MAN2B2: variants seen among roughly 807,000 people sequenced by gnomAD.
The protein encoded by MAN2B2 is epididymis-specific alpha-mannosidase.
Under a neutral mutation model 117.1 loss-of-function variants are expected in MAN2B2, and 106 were observed. The observed-to-expected ratio is 0.90, with a 90% CI of 0.77 to 1.06. The LOEUF (loss-of-function observed/expected upper bound fraction) is 1.06. Ranked by LOEUF, MAN2B2 falls within the 50% of genes least tolerant of loss-of-function variation. The probability of loss-of-function intolerance (pLI) is 0.00; values close to 1 mark genes in which losing one functional copy is unlikely to be tolerated. For synonymous variants in MAN2B2, 544 were observed against 595.1 expected (o/e 0.91, Z 1.25); for missense variants, 1,326 against 1,381.4 (o/e 0.96, Z 0.64).
chr4:6,607,094 C>T (rs771515482), intron 11 of MAN2B2, among the ~76,000 whole-genome samples: 4 of 152,230 alleles, frequency 2.6e-5, no homozygotes, highest in Non-Finnish European at 4.4e-5. Flanking sequence ...CACTCCCCCA[C>T]GGGCCCTGGC....
chr4:6,620,137 C>A, intron 18 of MAN2B2, 93 bp downstream of exon 18: 1 of 1,088,716 alleles, frequency 9.2e-7, no homozygotes, highest in Non-Finnish European at 1.3e-6. Context: ...ATCTGCCTGT[C>A]CCGGCCTGTG....
chr4:6,596,164 C>G (rs895396954), intron 7 of MAN2B2, among the ~76,000 whole-genome samples: 1 of 148,952 alleles, frequency 6.7e-6, no homozygotes, highest in African/African-American at 2.5e-5. Flanking sequence ...GGCGTGGTAT[C>G]CAGGCGGGTG....
intron 6 of MAN2B2, among the ~76,000 whole-genome samples, chr4:6,593,981 G>C (rs927377834): frequency 6.6e-6 from 1 of 152,070 alleles, no homozygotes; most frequent in African/African-American, 2.4e-5. Flanking sequence ...CAGTCAGGCG[G>C]GCCCCAGAGC....
intron 3 of MAN2B2, 45 bp downstream of exon 3, chr4:6,578,543 G>A (rs779248632): frequency 1.3e-6 from 2 of 1,526,232 alleles, no homozygotes; most frequent in Non-Finnish European, 1.8e-6. Flanking sequence ...AGGACCTCCA[G>A]TGGGGCTGGG....
intron 7 of MAN2B2, among the ~76,000 whole-genome samples, chr4:6,596,162 A>G (rs1387929639): frequency 6.9e-6 from 1 of 145,798 alleles, no homozygotes; most frequent in Non-Finnish European, 1.5e-5. Context: ...TGGGCGTGGT[A>G]TCCAGGCGGG....
In MAN2B2 at chr4:6,615,808, T is replaced by A. The variant is rs546822269; in HGVS notation, c.2701+1453T>A. On this transcript the variant is annotated intron_variant, in intron 16 of 18. Transcript: ENST00000285599. ...GAGCAAGACCCTGTCTCTAAAAAAA[T>A]TTTTTTTTTCTTTGAGACAGAGTCT... Among the ~76,000 whole-genome samples, 77 of 138,958 alleles carry A rather than the reference T, an allele frequency of 5.5e-4. 1 individual carries two copies. In the East Asian group the frequency reaches 6.4e-3, roughly 12 times the overall value. The allele number at this position is 138,958 out of a possible 152,430, so 91.2% of individuals were successfully genotyped here.
chr4:6,576,489 C>A, intron 1 of MAN2B2, 89 bp from the exon 2 acceptor site: 1 of 1,503,048 alleles, frequency 6.7e-7, no homozygotes, highest in East Asian at 2.3e-5. Flanking sequence ...GCCCCCAACC[C>A]CATGCAGACA....
At chr4:6,590,744 C>T (rs565984309) in intron 5 of MAN2B2, among the ~76,000 whole-genome samples, 72 of 152,376 alleles carry the variant, frequency 4.7e-4, no homozygotes, top group African/African-American at 1.7e-3. Flanking sequence ...GGTGTTTCCC[C>T]ACCCGTTCCT....
In MAN2B2 at chr4:6,617,519, C is replaced by T. The variant is rs775191704; in HGVS notation, c.2814+27C>T. ...TGAACTTCCCCACCCCCATCCAGACCATAAGCCAGGGAAGCAAACCCTAGA... is the reference window on the plus strand; with the variant it reads ...TGAACTTCCCCACCCCCATCCAGACTATAAGCCAGGGAAGCAAACCCTAGA... On this transcript the variant is annotated intron_variant, in intron 17 of 18. Transcript: ENST00000285599. The T allele has an allele frequency of 1.1e-5, 17 of 1,613,230 alleles. No homozygotes were observed. In the Admixed American group the frequency reaches 2.7e-4, roughly 25 times the overall value.
chr4:6,603,525 C>A (rs1289709240), intron 10 of MAN2B2, among the ~76,000 whole-genome samples: 2 of 152,116 alleles, frequency 1.3e-5, no homozygotes, highest in Admixed American at 6.5e-5. Context: ...TGGGTCTGAG[C>A]AGACCCCCAC....
At chr4:6,586,885 A>T in intron 3 of MAN2B2, 111 bp from the exon 4 acceptor site, 1 of 922,998 alleles carries the variant, frequency 1.1e-6, no homozygotes, top group Non-Finnish European at 1.7e-6. Context: ...TGCCTGGCCC[A>T]GTAGCTGGCA....
At chr4:6,591,682 G>A (rs1159900813) in intron 5 of MAN2B2, among the ~76,000 whole-genome samples, 1 of 152,160 alleles carries the variant, frequency 6.6e-6, no homozygotes, top group Non-Finnish European at 1.5e-5. Flanking sequence ...AGGCTCAGAT[G>A]TCAAGAAGCA....
intron 3 of MAN2B2, among the ~76,000 whole-genome samples, chr4:6,586,091 C>CAAAAA (rs1726624778): frequency 1.3e-5 from 2 of 150,464 alleles, no homozygotes; most frequent in Non-Finnish European, 2.9e-5. Flanking sequence ...CTCTGTCACC[C>CAAAAA]AGGCTGAAGT....
chr4:6,609,917 T>G lies in MAN2B2; in HGVS notation c.2126T>G (p.Leu709Arg), dbSNP rs1281824614. 5 of 1,614,162 alleles carry G rather than the reference T, an allele frequency of 3.1e-6. No individual in the cohort carries two copies. Among genetic ancestry groups the G allele is most frequent in the Non-Finnish European group, 4.2e-6 (5 of 1,180,032 alleles). ...GAGCAGGAGTACCAAGCCGGCCCCC[T>G]GGAGCTGAACCGTGAGGCTGTCCTG... ...RIEQEYQAGPLELNREAVLRT... is the reference protein window; with the variant it reads ...RIEQEYQAGPRELNREAVLRT... The change falls in exon 13 of 19, where the codon CTG (leucine) becomes CGG (arginine). Residue 709 changes from leucine (L) to arginine (R), a missense_variant. Leu to Arg is a moderately radical substitution (Grantham distance 102). Transcript: ENST00000285599.
chr4:6,606,207 G>C (rs564696597), intron 11 of MAN2B2, among the ~76,000 whole-genome samples: 2 of 152,320 alleles, frequency 1.3e-5, no homozygotes, highest in South Asian at 4.1e-4. Flanking sequence ...TACTGAGGTG[G>C]GTATCAGGGG....
chr4:6,586,947 G>A (rs745589617), intron 3 of MAN2B2, 49 bp from the exon 4 acceptor site: 24 of 1,571,630 alleles, frequency 1.5e-5, no homozygotes, highest in Non-Finnish European at 1.7e-5. Context: ...GGGGCCGGGA[G>A]GCACAGGCCC....
At chr4:6,587,694 T>C (rs1375593239) in intron 4 of MAN2B2, among the ~76,000 whole-genome samples, 1 of 152,000 alleles carries the variant, frequency 6.6e-6, no homozygotes, top group Non-Finnish European at 1.5e-5. Context: ...CCTTCATTTC[T>C]TTTTCTTTTC....
chr4:6,611,353 G>T (rs1473871186), intron 15 of MAN2B2, 75 bp downstream of exon 15: 2 of 1,442,416 alleles, frequency 1.4e-6, no homozygotes, highest in Non-Finnish European at 1.9e-6. Flanking sequence ...CTTGGGAGGG[G>T]CCTGTGCCCT....
intron 4 of MAN2B2, among the ~76,000 whole-genome samples, chr4:6,588,672 G>C (rs150129450): frequency 6.6e-6 from 1 of 152,212 alleles, no homozygotes; most frequent in African/African-American, 2.4e-5. Context: ...CTGAGATCGT[G>C]ACACTGCACT....
Sources: gnomAD v4.1 joint callset for allele counts (sites outside exome capture counted in the v4.1 genomes callset) on GRCh38, gnomAD v4.1.1 for gene constraint, MANE v1.5 for transcripts, NCBI Gene and HGNC (gene_info 2026-07-23, HGNC 2026-07-21) for gene names.